The following CSMD1 variants were observed in gnomAD, a reference collection of about 807,000 sequenced individuals.
CSMD1 encodes the protein CUB and sushi domain-containing protein 1.
A neutral mutation model predicts 417.5 loss-of-function variants in CSMD1; 213 were observed. The observed-to-expected ratio is 0.51, with a 90% CI of 0.46 to 0.57. The LOEUF (loss-of-function observed/expected upper bound fraction) is 0.57. Among genes scored for constraint, CSMD1 ranks in the 20% least tolerant of loss-of-function variants. The probability of loss-of-function intolerance (pLI) is 0.00; values close to 1 mark genes in which losing one functional copy is unlikely to be tolerated. For synonymous variants in CSMD1, 2,862 were observed against 1,736.8 expected (o/e 1.65, Z -16.11); for missense variants, 6,923 against 4,529.7 (o/e 1.53, Z -15.17).
intron 7 of CSMD1, among the ~76,000 whole-genome samples, chr8:3,705,081 A>C (rs1352944942): frequency 6.6e-6 from 1 of 152,228 alleles, no homozygotes; most frequent in Non-Finnish European, 1.5e-5. Flanking sequence ...TTTGGAGAAG[A>C]AGCCAGTCAG....
chr8:3,275,319 C>A (rs1009436532), intron 26 of CSMD1, among the ~76,000 whole-genome samples: 4 of 152,082 alleles, frequency 2.6e-5, no homozygotes, highest in African/African-American at 9.7e-5. Context: ...GATGGGCTTC[C>A]CTTTGAGGGT....
At chr8:3,339,107 T>C (rs962259645) in intron 23 of CSMD1, among the ~76,000 whole-genome samples, 1 of 151,630 alleles carries the variant, frequency 6.6e-6, no homozygotes. Context: ...GTTCTTGCGA[T>C]AGTTTACTGA....
intron 1 of CSMD1, among the ~76,000 whole-genome samples, chr8:4,895,241 T>G (rs562321006): frequency 6.6e-6 from 1 of 152,156 alleles, no homozygotes; most frequent in African/African-American, 2.4e-5. Flanking sequence ...TGAATCACGT[T>G]CAGAGATGAA....
chr8:3,387,889 G>T (rs1373157172), intron 17 of CSMD1, among the ~76,000 whole-genome samples: 1 of 152,178 alleles, frequency 6.6e-6, no homozygotes, highest in Non-Finnish European at 1.5e-5. Context: ...ATATTGTTAT[G>T]CTGTTTACCA....
At chr8:3,099,084 G>C (rs187822500) in intron 46 of CSMD1, among the ~76,000 whole-genome samples, 26 of 151,036 alleles carry the variant, frequency 1.7e-4, no homozygotes, top group African/African-American at 6.1e-4. Flanking sequence ...ACTCTTCTCC[G>C]TGCCGTTCAC....
intron 26 of CSMD1, among the ~76,000 whole-genome samples, chr8:3,237,768 T>A (rs185562397): frequency 1.8e-5 from 2 of 113,324 alleles, no homozygotes. Flanking sequence ...ACAAATATAA[T>A]TTTTATAATT....
intron 2 of CSMD1, among the ~76,000 whole-genome samples, chr8:4,436,664 C>T (rs1798166269): frequency 1.3e-5 from 2 of 152,126 alleles, no homozygotes; most frequent in Admixed American, 1.3e-4. Context: ...CCACCTCCTT[C>T]CTTCACTCCT....
chr8:3,874,889 T>C (rs1262016272), intron 5 of CSMD1, among the ~76,000 whole-genome samples: 2 of 152,150 alleles, frequency 1.3e-5, no homozygotes, highest in East Asian at 1.9e-4. Flanking sequence ...TCCACTGCGA[T>C]GCTGCGCACC....
intron 4 of CSMD1, among the ~76,000 whole-genome samples, chr8:4,014,496 A>C (rs946230654): frequency 1.3e-5 from 2 of 152,152 alleles, no homozygotes; most frequent in African/African-American, 4.8e-5. Flanking sequence ...GCTTCTTTTG[A>C]TGTCTGTTCC....
chr8:2,996,531 C>T (rs1806909946), intron 54 of CSMD1, among the ~76,000 whole-genome samples: 1 of 152,198 alleles, frequency 6.6e-6, no homozygotes, highest in African/African-American at 2.4e-5. Flanking sequence ...GTGCAGTAAA[C>T]TCAGCTCTGC....
chr8:3,861,678 G>T (rs1214315924), intron 5 of CSMD1, among the ~76,000 whole-genome samples: 2 of 152,204 alleles, frequency 1.3e-5, no homozygotes, highest in African/African-American at 4.8e-5. Flanking sequence ...GAGGTCCAGA[G>T]AATAGGGTTT....
At chr8:3,549,807 T>G (rs1798832043) in intron 10 of CSMD1, among the ~76,000 whole-genome samples, 1 of 152,130 alleles carries the variant, frequency 6.6e-6, no homozygotes, top group South Asian at 2.1e-4. Flanking sequence ...ATACACTCCC[T>G]TTCTCTATAA....
chr8:3,162,264 A>G lies in CSMD1; in HGVS notation c.5739T>C (p.Ala1913=), dbSNP rs1041603911. 2.0e-5 allele frequency: 32 copies of G among 1,605,262 alleles called. No individual in the cohort carries two copies. The highest frequency in any genetic ancestry group is 2.6e-5 in the Non-Finnish European group (31 of 1,174,834). ...FHLEYKTVGL[A]ACQEPALPSN... is the part of the protein sequence containing the mutation. ...TGGGGAGGGCTGGTTCTTGGCATGC[A>G]GCAAGACCTACAGCTAGAAATGCAA... Residue 1913 remains alanine (A), a synonymous_variant, in exon 38 of 70, where the codon GCT becomes GCC. Transcript: ENST00000635120.
rs150168647 is a variant in CSMD1, at chr8:4,218,476, C to T, written c.416-186377G>A. On this transcript the variant is annotated intron_variant, in intron 3 of 69. Transcript: ENST00000635120. ...TATTTTCCATGAAAGTCTCAACCTC[C>T]ACTTGCTGTATGATCTTTTTCTAAT... Among the ~76,000 whole-genome samples the T allele has an allele frequency of 7.5e-3, 1,135 of 152,256 alleles. 12 individuals are homozygous for T. Among genetic ancestry groups the T allele is most frequent in the African/African-American group, 0.026 (1,079 of 41,534 alleles).
At chr8:3,175,475 C>T (rs13274432) in intron 37 of CSMD1, among the ~76,000 whole-genome samples, 26,469 of 132,436 alleles carry the variant, frequency 0.2, 2,999 homozygotes, top group East Asian at 0.35. Context: ...TCCTTCTTTT[C>T]CCTTCCTTCC....
At chr8:3,662,871 G>C (rs898146452) in intron 7 of CSMD1, among the ~76,000 whole-genome samples, 3 of 152,056 alleles carry the variant, frequency 2.0e-5, no homozygotes, top group Non-Finnish European at 4.4e-5. Context: ...AGAGCATTAG[G>C]ACAAATATGT....
At chr8:4,229,858 G>C (rs766712580) in intron 3 of CSMD1, among the ~76,000 whole-genome samples, 1 of 152,104 alleles carries the variant, frequency 6.6e-6, no homozygotes, top group African/African-American at 2.4e-5. Context: ...GCTTTGGTCT[G>C]TGTTCTGCCC....
At chr8:4,923,691 G>A (rs113070799) in intron 1 of CSMD1, among the ~76,000 whole-genome samples, 5,443 of 152,204 alleles carry the variant, frequency 0.036, 255 homozygotes, top group African/African-American at 0.11. Flanking sequence ...AGAGCACTCA[G>A]TGGGACTATC....
At chr8:3,699,094 G>A (rs191648116) in intron 7 of CSMD1, among the ~76,000 whole-genome samples, 55 of 152,174 alleles carry the variant, frequency 3.6e-4, no homozygotes, top group Non-Finnish European at 6.5e-4. Context: ...TTCTTCAAAT[G>A]ACCTTCCTAA....
Sources: allele counts gnomAD v4.1 joint callset (sites outside exome capture counted in the v4.1 genomes callset), GRCh38; gene constraint gnomAD v4.1.1; transcripts MANE v1.5; gene names NCBI Gene and HGNC (gene_info 2026-07-23, HGNC 2026-07-21).